PRR16: variants seen among roughly 807,000 people sequenced by gnomAD.
PRR16 encodes the protein protein Largen.
A neutral mutation model predicts 18.2 loss-of-function variants in PRR16; 6 were observed. The observed-to-expected ratio is 0.33, with a 90% CI of 0.18 to 0.65. PRR16 has a LOEUF of 0.65. PRR16 is among the 30% of genes least tolerant of loss of function. The pLI, the probability that PRR16 is intolerant of heterozygous loss-of-function variation, is 0.74. For missense variants in PRR16, 412 were observed against 376.6 expected (o/e 1.09, Z -0.78); for synonymous variants, 151 against 147.8 (o/e 1.02, Z -0.16).
chr5:120,531,296 C>A (rs1751543016), intron 1 of PRR16, among the ~76,000 whole-genome samples: 1 of 152,004 alleles, frequency 6.6e-6, no homozygotes. Context: ...TGGCAAATGA[C>A]TTAAATTATC....
At chr5:120,721,051 T>G in the PRR16 span, among the ~76,000 whole-genome samples, 1 of 152,092 alleles carries the variant, frequency 6.6e-6, no homozygotes, top group Non-Finnish European at 1.5e-5. Context: ...ATGGAAACTT[T>G]TAAACATCAT....
the PRR16 span, among the ~76,000 whole-genome samples, chr5:120,739,943 T>C: frequency 5.9e-5 from 9 of 152,152 alleles, no homozygotes; most frequent in African/African-American, 2.2e-4. Context: ...TGAATAAAAT[T>C]GGAAATGGCA....
intron 1 of PRR16, among the ~76,000 whole-genome samples, chr5:120,634,319 A>C (rs1354468430): frequency 6.6e-6 from 1 of 152,202 alleles, no homozygotes; most frequent in Non-Finnish European, 1.5e-5. Flanking sequence ...GCTAAGAAGA[A>C]AATGTATAGC....
chr5:120,579,342 A>G (rs541215413), intron 1 of PRR16, among the ~76,000 whole-genome samples: 2 of 152,196 alleles, frequency 1.3e-5, no homozygotes, highest in African/African-American at 4.8e-5. Context: ...TATGTCCTAA[A>G]TGGTATTGCC....
chr5:120,785,624 G>C, the PRR16 span, among the ~76,000 whole-genome samples: 58 of 129,408 alleles, frequency 4.5e-4, no homozygotes, highest in South Asian at 0.012. Flanking sequence ...CCAGGCTGGA[G>C]TGCAGTGGCG....
At chr5:120,607,112 C>T (rs2112798925) in intron 1 of PRR16, among the ~76,000 whole-genome samples, 1 of 152,232 alleles carries the variant, frequency 6.6e-6, no homozygotes, top group East Asian at 1.9e-4. Flanking sequence ...GTAATCGCCT[C>T]ATTGAAACCT....
chr5:120,647,710 A>G (rs1277398469), intron 1 of PRR16, among the ~76,000 whole-genome samples: 1 of 152,088 alleles, frequency 6.6e-6, no homozygotes, highest in Non-Finnish European at 1.5e-5. Flanking sequence ...TTAAAAGTTT[A>G]TGATCCTTTT....
At chr5:120,496,598 TTTTC>T (rs1750253657) in intron 1 of PRR16, among the ~76,000 whole-genome samples, 1 of 152,036 alleles carries the variant, frequency 6.6e-6, no homozygotes, top group Non-Finnish European at 1.5e-5. Flanking sequence ...TTCTCTCTTG[TTTTC>T]TTTGTCGATC....
intron 1 of PRR16, among the ~76,000 whole-genome samples, chr5:120,590,696 C>T (rs1341176008): frequency 6.6e-6 from 1 of 151,950 alleles, no homozygotes. Flanking sequence ...TCTCCAAGTT[C>T]CAGCTTCTAT....
intron 1 of PRR16, among the ~76,000 whole-genome samples, chr5:120,570,156 A>C (rs1752860934): frequency 6.6e-6 from 1 of 152,104 alleles, no homozygotes; most frequent in African/African-American, 2.4e-5. Flanking sequence ...TACATAGAAG[A>C]TAAATAAAAC....
At chr5:120,518,434 A>G (rs1751068333) in intron 1 of PRR16, among the ~76,000 whole-genome samples, 1 of 152,134 alleles carries the variant, frequency 6.6e-6, no homozygotes, top group Non-Finnish European at 1.5e-5. Flanking sequence ...TGAGGCTTCA[A>G]TTTGGGTTCC....
chr5:120,677,191 G>A (rs956107829), intron 1 of PRR16, among the ~76,000 whole-genome samples: 2 of 152,126 alleles, frequency 1.3e-5, no homozygotes, highest in Admixed American at 1.3e-4. Context: ...TAGGATAGGT[G>A]GGTAGAGATT....
intron 1 of PRR16, among the ~76,000 whole-genome samples, chr5:120,653,864 C>T (rs2150133502): frequency 6.6e-6 from 1 of 152,100 alleles, no homozygotes. Flanking sequence ...AATGCCTTAG[C>T]TTAAACCTCT....
intron 1 of PRR16, among the ~76,000 whole-genome samples, chr5:120,471,526 A>G (rs1749268262): frequency 6.6e-6 from 1 of 151,048 alleles, no homozygotes; most frequent in Non-Finnish European, 1.5e-5. Context: ...TTTACTAGGA[A>G]CAACATTATT....
chr5:120,690,493 T>C (rs1757196132), downstream of PRR16, among the ~76,000 whole-genome samples: 1 of 152,196 alleles, frequency 6.6e-6, no homozygotes, highest in African/African-American at 2.4e-5. Context: ...TACATTGTAA[T>C]GTACTTTGAT....
chr5:120,777,222 GT>G, the PRR16 span, among the ~76,000 whole-genome samples: 1 of 151,962 alleles, frequency 6.6e-6, no homozygotes, highest in East Asian at 1.9e-4. Flanking sequence ...AACCAAATGA[GT>G]TTTATTGTTC....
the PRR16 span, among the ~76,000 whole-genome samples, chr5:120,792,790 GGA>G: frequency 1.3e-5 from 2 of 151,996 alleles, no homozygotes; most frequent in African/African-American, 4.8e-5. Context: ...AAATCTAGTT[GGA>G]GAGAACTACA....
the PRR16 span, among the ~76,000 whole-genome samples, chr5:120,751,932 T>C: frequency 6.6e-6 from 1 of 152,158 alleles, no homozygotes; most frequent in Non-Finnish European, 1.5e-5. Flanking sequence ...TAAACTCCAG[T>C]AACTTCTTTA....
the PRR16 span, among the ~76,000 whole-genome samples, chr5:120,740,354 CT>C: frequency 2.0e-5 from 3 of 151,784 alleles, no homozygotes; most frequent in African/African-American, 7.3e-5. Flanking sequence ...TTCTTTATGG[CT>C]TTTGTATTTT....
Sources: gnomAD v4.1 joint callset for allele counts (sites outside exome capture counted in the v4.1 genomes callset) on GRCh38, gnomAD v4.1.1 for gene constraint, MANE v1.5 for transcripts, NCBI Gene and HGNC (gene_info 2026-07-23, HGNC 2026-07-21) for gene names.